The following STPG2 variants were observed in gnomAD, a reference collection of about 807,000 sequenced individuals.
STPG2 encodes sperm-tail PG-rich repeat-containing protein 2.
STPG2 carries 56 observed loss-of-function variants against 54.2 expected under a neutral mutation model. The ratio of observed to expected loss-of-function variants is 1.03; its 90% CI spans 0.83 to 1.29. The LOEUF (loss-of-function observed/expected upper bound fraction) is 1.29. STPG2 is among the 50% of genes most tolerant of loss of function. STPG2 has a pLI of 0.00. For missense variants in STPG2, 596 were observed against 544.9 expected, an observed-to-expected ratio of 1.09 and a Z score of -0.93; for synonymous variants, 200 against 181.8, an observed-to-expected ratio of 1.10 and a Z score of -0.81.
chr4:98,085,992 G>A (rs1028147255), intron 5 of STPG2, among the ~76,000 whole-genome samples: 4 of 152,002 alleles, frequency 2.6e-5, no homozygotes, highest in African/African-American at 4.8e-5. Flanking sequence ...CGGCTCAGAT[G>A]AGCACATAAA....
chr4:97,613,535 T>C (rs571177092), intron 10 of STPG2, among the ~76,000 whole-genome samples: 82 of 151,330 alleles, frequency 5.4e-4, no homozygotes, highest in Admixed American at 9.3e-4. Context: ...CGTGCGTGTG[T>C]GTGTATTAGG....
intron 10 of STPG2, among the ~76,000 whole-genome samples, chr4:97,652,951 T>C (rs1254281258): frequency 6.6e-6 from 1 of 151,976 alleles, no homozygotes; most frequent in Non-Finnish European, 1.5e-5. Flanking sequence ...TATAATGCAG[T>C]GATTCCTCAT....
At chr4:97,957,176 A>AAT (rs1376242963) in intron 7 of STPG2, among the ~76,000 whole-genome samples, 1 of 149,980 alleles carries the variant, frequency 6.7e-6, no homozygotes, top group Admixed American at 6.6e-5. Context: ...ATATATGTGA[A>AAT]ATATATATAT....
intron 5 of STPG2, among the ~76,000 whole-genome samples, chr4:97,984,801 T>TCCATGGTGTAAATAC (rs11272449): frequency 1.3e-5 from 2 of 152,006 alleles, no homozygotes; most frequent in African/African-American, 2.4e-5. Context: ...ATTTGCTGAT[T>TCCATGGTGTAAATAC]ACCCGCAACA....
At chr4:97,682,578 A>C (rs2148980450) in intron 10 of STPG2, among the ~76,000 whole-genome samples, 1 of 151,938 alleles carries the variant, frequency 6.6e-6, no homozygotes, top group Middle Eastern at 3.4e-3. Flanking sequence ...ATAGGGACAT[A>C]ATTCATAATA....
intron 5 of STPG2, among the ~76,000 whole-genome samples, chr4:98,013,323 T>C (rs987507392): frequency 6.6e-6 from 1 of 152,190 alleles, no homozygotes; most frequent in Non-Finnish European, 1.5e-5. Flanking sequence ...GATAAGCTTT[T>C]TGATGTGCTG....
At chr4:97,886,788 T>C (rs908418262) in intron 8 of STPG2, among the ~76,000 whole-genome samples, 2 of 152,314 alleles carry the variant, frequency 1.3e-5, no homozygotes, top group African/African-American at 2.4e-5. Flanking sequence ...GTCCCCAGTA[T>C]TGGACGTGGG....
chr4:98,109,466 A>C (rs1739284352), intron 3 of STPG2, among the ~76,000 whole-genome samples, 161 bp from the exon 4 acceptor site: 2 of 152,170 alleles, frequency 1.3e-5, no homozygotes, highest in Non-Finnish European at 2.9e-5. Flanking sequence ...ATCCCAGGCT[A>C]AGTTGTCACT....
intron 8 of STPG2, among the ~76,000 whole-genome samples, chr4:97,869,925 C>T (rs1236184853): frequency 6.6e-6 from 1 of 151,584 alleles, no homozygotes; most frequent in Admixed American, 6.6e-5. Context: ...AGAGTCAGGA[C>T]AAGAACCCGG....
intron 2 of STPG2, among the ~76,000 whole-genome samples, chr4:98,133,262 A>G (rs1309333327): frequency 6.6e-6 from 1 of 152,044 alleles, no homozygotes; most frequent in African/African-American, 2.4e-5. Context: ...AGATTCCTGT[A>G]AACAATTACA....
chr4:97,618,782 A>T (rs552431849), intron 10 of STPG2, among the ~76,000 whole-genome samples: 2 of 152,276 alleles, frequency 1.3e-5, no homozygotes, highest in South Asian at 2.1e-4. Context: ...TGTGTATTTT[A>T]TTCTCTTTTG....
intron 10 of STPG2, among the ~76,000 whole-genome samples, chr4:97,638,479 A>C (rs1451033135): frequency 5.3e-5 from 8 of 152,198 alleles, no homozygotes; most frequent in African/African-American, 1.2e-4. Flanking sequence ...GCAACAAAAG[A>C]CAAAATTGAC....
chr4:97,965,155 A>G (rs1355021383), intron 7 of STPG2, among the ~76,000 whole-genome samples: 2 of 152,190 alleles, frequency 1.3e-5, no homozygotes, highest in Non-Finnish European at 2.9e-5. Context: ...TGCTTTTCCC[A>G]TAGTCTTAGC....
intron 4 of STPG2, among the ~76,000 whole-genome samples, chr4:97,520,543 A>C (rs1731159369): frequency 6.6e-6 from 1 of 152,084 alleles, no homozygotes; most frequent in African/African-American, 2.4e-5. Flanking sequence ...TTTAGTCACA[A>C]GTAATTAAGT....
chr4:97,934,721 T>C (rs1049199949), intron 8 of STPG2, among the ~76,000 whole-genome samples: 3 of 152,144 alleles, frequency 2.0e-5, no homozygotes, highest in Non-Finnish European at 2.9e-5. Flanking sequence ...ACATGACCGT[T>C]GTGGATAAGC....
At chr4:97,725,236 C>T (rs1025721820) in intron 9 of STPG2, among the ~76,000 whole-genome samples, 1 of 151,842 alleles carries the variant, frequency 6.6e-6, no homozygotes, top group South Asian at 2.1e-4. Flanking sequence ...CTAACCTACA[C>T]AGAGTTGCAA....
chr4:97,908,764 A>C (rs374300296), intron 8 of STPG2, among the ~76,000 whole-genome samples: 1 of 151,080 alleles, frequency 6.6e-6, no homozygotes, highest in Non-Finnish European at 1.5e-5. Flanking sequence ...CTATCGCAAG[A>C]ACAAAAAACC....
In STPG2 at chr4:97,827,655, G is replaced by T. The variant is rs183791056; in HGVS notation, c.1204+13118C>A. 2.8e-3 allele frequency among the ~76,000 whole-genome samples: 431 copies of T among 152,264 alleles called. 2 individuals carry two copies. The highest frequency in any genetic ancestry group is 4.8e-3 in the Non-Finnish European group (326 of 68,028). ...CAAGCCGTGGGTATTCTTAACTTAT[G>T]GCAATATAGTTATTGCATAAGTGCA... is the stretch of plus-strand genomic sequence containing the variant. On this transcript the variant is annotated intron_variant, in intron 9 of 10. Coordinates refer to ENST00000295268, the MANE Select transcript of STPG2 (RefSeq NM_174952.3).
In STPG2 at chr4:97,565,840, G is replaced by A. The variant is rs558172430; in HGVS notation, c.1321-6723C>T. Among the ~76,000 whole-genome samples the A allele has an allele frequency of 5.5e-3, 640 of 115,396 alleles. 3 individuals are homozygous for A. Among genetic ancestry groups the A allele is most frequent in the South Asian group, 0.036 (99 of 2,750 alleles). 75.7% of individuals were successfully genotyped at this position (115,396 alleles called of 152,430 possible). A position where few individuals can be genotyped will look rare whatever the true frequency, so the allele number is the denominator to read the frequency against. On this transcript the variant is annotated intron_variant, in intron 10 of 10. Transcript: ENST00000295268. ...CGGCCGTGTGAGGTGTCATTCTGCC[G>A]CTACTGGGGGGTGCCTCCCAGTTAG...
Sources: gnomAD v4.1 joint callset for allele counts (sites outside exome capture counted in the v4.1 genomes callset) on GRCh38, gnomAD v4.1.1 for gene constraint, MANE v1.5 for transcripts, NCBI Gene and HGNC (gene_info 2026-07-23, HGNC 2026-07-21) for gene names.